LRRC69: variants seen among roughly 807,000 people sequenced by gnomAD.
LRRC69 encodes the protein leucine rich repeat containing 69.
Under a neutral mutation model 37.8 loss-of-function variants are expected in LRRC69, and 42 were observed. That is an observed-to-expected ratio of 1.11 (90% CI 0.87 to 1.44). The LOEUF (loss-of-function observed/expected upper bound fraction) is 1.44, where lower values mean the gene tolerates loss of function less well. Ranked by LOEUF, LRRC69 falls within the 40% of genes most tolerant of loss-of-function variation. The pLI is 0.00. For synonymous variants in LRRC69, 141 were observed against 143.1 expected (o/e 0.99, Z 0.11); for missense variants, 357 against 401.9 (o/e 0.89, Z 0.96).
intron 3 of LRRC69, among the ~76,000 whole-genome samples, chr8:91,132,905 T>A (rs1190221113): frequency 6.6e-6 from 1 of 152,024 alleles, no homozygotes; most frequent in Non-Finnish European, 1.5e-5. Flanking sequence ...ATAAGCCATC[T>A]GATTACAAAA....
intron 5 of LRRC69, among the ~76,000 whole-genome samples, chr8:91,176,134 A>ATATTTTTTTTTTTTTTT: frequency 1.5e-4 from 11 of 75,710 alleles, no homozygotes; most frequent in African/African-American, 6.1e-4. Flanking sequence ...ATATATATAT[A>ATATTTTTTTTTTTTTTT]TTTTTTTTTT....
chr8:91,123,679 G>A (rs56784958), intron 1 of LRRC69, among the ~76,000 whole-genome samples: 3,258 of 151,942 alleles, frequency 0.021, 113 homozygotes, highest in African/African-American at 0.074. Context: ...TATGCAATTG[G>A]TAATTAAACC....
chr8:91,176,134 A>ATATATATTTTTTTTTTTTTTT, intron 5 of LRRC69, among the ~76,000 whole-genome samples: 5 of 75,710 alleles, frequency 6.6e-5, no homozygotes, highest in African/African-American at 3.0e-4. Flanking sequence ...ATATATATAT[A>ATATATATTTTTTTTTTTTTTT]TTTTTTTTTT....
intron 5 of LRRC69, among the ~76,000 whole-genome samples, chr8:91,177,346 A>G (rs576076260): frequency 6.6e-6 from 1 of 152,168 alleles, no homozygotes; most frequent in Non-Finnish European, 1.5e-5. Context: ...CTGACAATCA[A>G]TTACTGTACT....
intron 1 of LRRC69, among the ~76,000 whole-genome samples, chr8:91,107,950 G>A (rs1257946901): frequency 2.0e-5 from 3 of 152,044 alleles, no homozygotes; most frequent in African/African-American, 7.2e-5. Context: ...TGAGTGAAAT[G>A]GAAGTAATTT....
chr8:91,142,308 T>C (rs891607222), intron 5 of LRRC69, among the ~76,000 whole-genome samples: 2 of 152,096 alleles, frequency 1.3e-5, no homozygotes, highest in Admixed American at 6.6e-5. Context: ...AAATAAGCTC[T>C]TAGAATCCTC....
chr8:91,189,615 A>G lies in LRRC69; in HGVS notation c.745A>G (p.Ser249Gly), dbSNP rs1463240395. The G allele has an allele frequency of 3.2e-6, 5 of 1,548,716 alleles. No individual in the cohort carries two copies. The highest frequency in any genetic ancestry group is 4.4e-6 in the Non-Finnish European group (5 of 1,144,738). Residue 249 changes from serine to glycine, a missense_variant, in exon 6 of 8, where the codon AGT becomes GGT. By Grantham distance (56) the Ser-to-Gly change is moderately conservative. Transcript: ENST00000448384. ...TTCTACACAGCAGGAGAACGTCTGG[A>G]GTCTACAGGTGAAGACTTACCTCAT...
chr8:91,149,694 A>G (rs1384915194), intron 5 of LRRC69, among the ~76,000 whole-genome samples: 6 of 151,782 alleles, frequency 4.0e-5, no homozygotes, highest in Non-Finnish European at 8.8e-5. Flanking sequence ...CATTTTCATG[A>G]TATTGATTCT....
chr8:91,217,474 A>G (rs985950240), intron 7 of LRRC69, among the ~76,000 whole-genome samples: 1 of 152,178 alleles, frequency 6.6e-6, no homozygotes, highest in African/African-American at 2.4e-5. Flanking sequence ...CCTTCTCCCA[A>G]TAGATGCAGA....
chr8:91,131,216 A>AATTTTAAAATTG (rs1229648471), intron 3 of LRRC69, among the ~76,000 whole-genome samples: 2 of 148,970 alleles, frequency 1.3e-5, no homozygotes, highest in Non-Finnish European at 3.0e-5. Flanking sequence ...TTTCCATATA[A>AATTTTAAAATTG]ATTTTAAAAT....
chr8:91,215,880 C>T (rs1053884160), intron 7 of LRRC69, among the ~76,000 whole-genome samples: 4 of 152,044 alleles, frequency 2.6e-5, no homozygotes, highest in Non-Finnish European at 4.4e-5. Flanking sequence ...GGACATATGT[C>T]GTACCAGTAG....
chr8:91,110,573 AG>A (rs1445479860), intron 1 of LRRC69, among the ~76,000 whole-genome samples: 3 of 149,878 alleles, frequency 2.0e-5, no homozygotes, highest in African/African-American at 7.3e-5. Flanking sequence ...TGGGAGGTGG[AG>A]GTTGCAGTGA....
Position 91,103,303 on chromosome 8 carries a change from AGGC to A in LRRC69, c.183+460_183+462del, listed in dbSNP as rs1159622528. Among the ~76,000 whole-genome samples, 290 of 151,618 alleles carry A rather than the reference AGGC, an allele frequency of 1.9e-3. 9 individuals are homozygous for A. Among genetic ancestry groups the A allele is most frequent in the Admixed American group, 3.7e-3 (56 of 15,124 alleles). ...GAGTTCCTTTTCAATTTCCTAGGGC[AGGC>A]TGAAACTTTGAAATGGAGTGTTGGC... On this transcript the variant is annotated intron_variant, in intron 1 of 7. Transcript: ENST00000448384.
chr8:91,145,669 TG>T (rs1284609337), intron 5 of LRRC69, among the ~76,000 whole-genome samples: 1 of 151,694 alleles, frequency 6.6e-6, no homozygotes, highest in East Asian at 1.9e-4. Flanking sequence ...GGAAACCCCT[TG>T]TGGGTTCTGT....
chr8:91,139,003 G>A (rs1808476686), intron 5 of LRRC69: 1 of 150,948 alleles, frequency 6.6e-6, no homozygotes, highest in East Asian at 1.9e-4. Context: ...GTTGCAGTAA[G>A]CTGAGATCAT....
intron 5 of LRRC69, among the ~76,000 whole-genome samples, chr8:91,175,954 T>C (rs1164339538): frequency 2.0e-5 from 3 of 151,390 alleles, no homozygotes; most frequent in Non-Finnish European, 2.9e-5. Context: ...TTTTACTGAA[T>C]CTTTTCTTTT....
At position 91,127,282 on chromosome 8, in the gene LRRC69, A is replaced by T. The variant is rs1015843631; in HGVS notation, c.383+122A>T. On this transcript the variant is annotated intron_variant, in intron 3 of 7. Transcript: ENST00000448384. ...TGAGATTTATACATAGCAAAGAGGG[A>T]TCTGAAGGACTGAGGCAAGCCACTA... The T allele has an allele frequency of 3.2e-5, 22 of 682,058 alleles. 1 individual carries two copies. The highest frequency in any genetic ancestry group is 5.0e-5 in the Non-Finnish European group (21 of 422,596). The allele number at this position is 682,058 out of a possible 1,614,324, so 42.3% of individuals were successfully genotyped here.
intron 5 of LRRC69, among the ~76,000 whole-genome samples, chr8:91,141,139 T>G (rs1433918173): frequency 6.6e-6 from 1 of 152,126 alleles, no homozygotes; most frequent in African/African-American, 2.4e-5. Flanking sequence ...ATAACATATC[T>G]GAAGTATGGC....
At chr8:91,121,330 A>G (rs1185223424) in intron 1 of LRRC69, among the ~76,000 whole-genome samples, 1 of 152,062 alleles carries the variant, frequency 6.6e-6, no homozygotes, top group Non-Finnish European at 1.5e-5. Flanking sequence ...CCCTACAGTC[A>G]TTTCTCACTG....
Sources: allele counts gnomAD v4.1 joint callset (sites outside exome capture counted in the v4.1 genomes callset), GRCh38; gene constraint gnomAD v4.1.1; transcripts MANE v1.5; gene names NCBI Gene and HGNC (gene_info 2026-07-23, HGNC 2026-07-21).